The following NUSAP1 variants were observed in gnomAD, a reference collection of about 807,000 sequenced individuals.
The protein encoded by NUSAP1 is nucleolar and spindle associated protein 1.
In NUSAP1, 32 loss-of-function variants were observed where a neutral mutation model predicts 52.8. The ratio of observed to expected loss-of-function variants is 0.61; its 90% CI spans 0.46 to 0.81. The LOEUF (loss-of-function observed/expected upper bound fraction) is 0.81, where lower values mean the gene tolerates loss of function less well. Among genes scored for constraint, NUSAP1 ranks in the 40% least tolerant of loss-of-function variants. The pLI is 0.00. For missense variants in NUSAP1, 499 were observed against 522.3 expected, an observed-to-expected ratio of 0.96 and a Z score of 0.43; for synonymous variants, 195 against 183.1, an observed-to-expected ratio of 1.06 and a Z score of -0.52.
At chr15:41,347,693 A>G (rs2048627176) in intron 2 of NUSAP1, among the ~76,000 whole-genome samples, 1 of 151,930 alleles carries the variant, frequency 6.6e-6, no homozygotes, top group African/African-American at 2.4e-5. Flanking sequence ...GGGCGCCTGT[A>G]GTCCCAACTA....
At chr15:41,373,330 C>T (rs1430841927) in intron 8 of NUSAP1, among the ~76,000 whole-genome samples, 1 of 151,616 alleles carries the variant, frequency 6.6e-6, no homozygotes, top group African/African-American at 2.4e-5. Context: ...TTGCACTGAG[C>T]TGAGATCACA....
chr15:41,356,672 G>A (rs1329945590), intron 5 of NUSAP1, among the ~76,000 whole-genome samples: 1 of 152,034 alleles, frequency 6.6e-6, no homozygotes, highest in East Asian at 1.9e-4. Flanking sequence ...TATTTCATCA[G>A]GTTGATAGAT....
intron 1 of NUSAP1, among the ~76,000 whole-genome samples, chr15:41,342,125 G>T (rs541284454): frequency 4.6e-5 from 7 of 152,306 alleles, no homozygotes; most frequent in Admixed American, 4.6e-4. Context: ...TGATGGCCAT[G>T]CCTACCTATG....
intron 1 of NUSAP1, among the ~76,000 whole-genome samples, chr15:41,338,333 A>C (rs544636984): frequency 1.3e-5 from 2 of 152,196 alleles, no homozygotes; most frequent in South Asian, 4.1e-4. Context: ...TCGTGTATTT[A>C]AGTGCATTTT....
chr15:41,352,832 C>T (rs796305143), intron 4 of NUSAP1, among the ~76,000 whole-genome samples: 3 of 152,122 alleles, frequency 2.0e-5, no homozygotes, highest in South Asian at 2.1e-4. Context: ...GCTGGGATTA[C>T]AGGTGTGAGT....
At chr15:41,340,271 C>T (rs1307898246) in intron 1 of NUSAP1, among the ~76,000 whole-genome samples, 1 of 152,142 alleles carries the variant, frequency 6.6e-6, no homozygotes, top group African/African-American at 2.4e-5. Flanking sequence ...TCTTCACCTG[C>T]TGCCTCTTTC....
At chr15:41,337,859 G>A (rs1417101725) in intron 1 of NUSAP1, among the ~76,000 whole-genome samples, 1 of 150,986 alleles carries the variant, frequency 6.6e-6, no homozygotes, top group East Asian at 1.9e-4. Flanking sequence ...TCTCTTCCTG[G>A]TTGTCTTTTC....
intron 7 of NUSAP1, among the ~76,000 whole-genome samples, chr15:41,369,184 T>G (rs2049553156): frequency 6.6e-6 from 1 of 152,124 alleles, no homozygotes; most frequent in Admixed American, 6.6e-5. Flanking sequence ...GTACTGGGAT[T>G]ATAGGTGTGA....
intron 1 of NUSAP1, among the ~76,000 whole-genome samples, chr15:41,336,385 C>T (rs985719821): frequency 1.3e-5 from 2 of 151,616 alleles, no homozygotes; most frequent in Admixed American, 6.6e-5. Flanking sequence ...GTTAGTGGGG[C>T]GACTGGTCCT....
At chr15:41,334,110 A>ATTTG (rs141397905) in intron 1 of NUSAP1, among the ~76,000 whole-genome samples, 16 of 150,504 alleles carry the variant, frequency 1.1e-4, no homozygotes, top group African/African-American at 3.4e-4. Context: ...TTTTTTTTTT[A>ATTTG]TTTGTTTGTT....
chr15:41,337,458 CCT>C (rs932597395), intron 1 of NUSAP1, among the ~76,000 whole-genome samples: 1 of 152,066 alleles, frequency 6.6e-6, no homozygotes, highest in African/African-American at 2.4e-5. Context: ...ACAATTAGAG[CCT>C]CTCTCCTCAT....
At position 41,333,530 on chromosome 15, in the gene NUSAP1, T is replaced by G. The variant is rs138036934; in HGVS notation, c.93+480T>G. Among the ~76,000 whole-genome samples, 243 of 152,306 alleles carry G rather than the reference T, an allele frequency of 1.6e-3. 2 individuals carry two copies. The highest frequency in any genetic ancestry group is 2.0e-3 in the Admixed American group (30 of 15,294). On this transcript the variant is annotated intron_variant, in intron 1 of 10. Coordinates refer to ENST00000559596, the MANE Select transcript of NUSAP1 (RefSeq NM_016359.5). ...CTGTCAGAAAAAAAAAATCGACTTT[T>G]AGGGGAGCACCTCCTTGGGTAAATT...
Position 41,371,603 on chromosome 15 carries a change from ACC to A in NUSAP1, c.926_927del (p.Thr309SerfsTer36). ...KTPARKSAHV[T>X]VSGGTPKGEA... ...TCCAGCCAGAAAGTCTGCACATGTG[ACC>A]GTGTCTGGGGGCACCCCAAAAGGCG... On this transcript the variant is annotated frameshift_variant, in exon 8 of 11. Transcript: ENST00000559596. LOFTEE classifies it high-confidence loss of function. The A allele has an allele frequency of 2.5e-6, 4 of 1,612,150 alleles. No individual in the cohort carries two copies. Among genetic ancestry groups the A allele is most frequent in the Non-Finnish European group, 3.4e-6 (4 of 1,179,424 alleles).
chr15:41,342,307 A>T, intron 1 of NUSAP1, 79 bp from the exon 2 acceptor site: 1 of 968,060 alleles, frequency 1.0e-6, no homozygotes, highest in African/African-American at 1.7e-5. Flanking sequence ...TTTAATGAAT[A>T]CAAGAACAGC....
chr15:41,374,835 C>A (rs1260295588), intron 8 of NUSAP1, among the ~76,000 whole-genome samples: 1 of 151,178 alleles, frequency 6.6e-6, no homozygotes, highest in Admixed American at 6.6e-5. Flanking sequence ...TCTTTTTTTT[C>A]TTTGTTTGTT....
intron 9 of NUSAP1, 122 bp from the exon 10 acceptor site, chr15:41,377,074 C>A: frequency 1.7e-6 from 1 of 587,350 alleles, no homozygotes; most frequent in South Asian, 2.0e-5. Flanking sequence ...GAGTGAGATT[C>A]TGTCTCAAAG....
At chr15:41,379,649 A>G (rs2050130695) in intron 10 of NUSAP1, among the ~76,000 whole-genome samples, 1 of 151,974 alleles carries the variant, frequency 6.6e-6, no homozygotes, top group African/African-American at 2.4e-5. Context: ...GGTTCAAGGG[A>G]TTCTCCTGCC....
chr15:41,371,762 T>G (rs2049705601), intron 8 of NUSAP1, 78 bp downstream of exon 8: 6 of 1,435,992 alleles, frequency 4.2e-6, no homozygotes, highest in South Asian at 1.4e-5. Flanking sequence ...GGTATATCTG[T>G]TTTTTTTGTT....
intron 6 of NUSAP1, among the ~76,000 whole-genome samples, chr15:41,363,947 G>A (rs1163450920): frequency 6.6e-6 from 1 of 152,046 alleles, no homozygotes; most frequent in African/African-American, 2.4e-5. Context: ...GGGATAGAGG[G>A]AGAGGATAGA....
Sources: gnomAD v4.1 joint callset for allele counts (sites outside exome capture counted in the v4.1 genomes callset) on GRCh38, gnomAD v4.1.1 for gene constraint, MANE v1.5 for transcripts, NCBI Gene and HGNC (gene_info 2026-07-23, HGNC 2026-07-21) for gene names.